The following SNX27 variants were observed in gnomAD, a reference collection of about 807,000 sequenced individuals.
The protein encoded by SNX27 is sorting nexin 27, also known as sorting nexin-27.
A neutral mutation model predicts 71.6 loss-of-function variants in SNX27; 22 were observed. That is an observed-to-expected ratio of 0.31 (90% CI 0.22 to 0.44). The LOEUF (loss-of-function observed/expected upper bound fraction) is 0.44. Among genes scored for constraint, SNX27 ranks in the 20% least tolerant of loss-of-function variants. SNX27 has a pLI of 1.00. For synonymous variants in SNX27, 269 were observed against 277.2 expected, an observed-to-expected ratio of 0.97 and a Z score of 0.29; for missense variants, 531 against 698.6, an observed-to-expected ratio of 0.76 and a Z score of 2.70.
intron 7 of SNX27, among the ~76,000 whole-genome samples, chr1:151,669,514 G>A (rs1450019871): frequency 6.6e-6 from 1 of 152,160 alleles, no homozygotes; most frequent in African/African-American, 2.4e-5. Context: ...CCATCAGGTA[G>A]TTCATGATTT....
intron 6 of SNX27, 64 bp downstream of exon 6, chr1:151,666,075 A>T (rs1670177309): frequency 7.5e-7 from 1 of 1,329,062 alleles, no homozygotes; most frequent in Admixed American, 1.8e-5. Flanking sequence ...ACATTTACCT[A>T]GAGAAGAGCT....
chr1:151,642,954 G>GTTTTATTTTA (rs532547285), intron 2 of SNX27, among the ~76,000 whole-genome samples: 1 of 149,374 alleles, frequency 6.7e-6, no homozygotes, highest in Non-Finnish European at 1.5e-5. Context: ...TTTTATTTTT[G>GTTTTATTTTA]TTTTATTTTA....
intron 2 of SNX27, among the ~76,000 whole-genome samples, chr1:151,655,970 T>TC (rs774761239): frequency 6.6e-6 from 1 of 152,098 alleles, no homozygotes; most frequent in Non-Finnish European, 1.5e-5. Context: ...ACACCTGTAA[T>TC]CCCAGCACTT....
Position 151,695,249 on chromosome 1 carries a change from T to G in SNX27, c.*832T>G, listed in dbSNP as rs915638152. 1.6e-4 allele frequency: 25 copies of G among 152,250 alleles called. No homozygotes were observed. The highest frequency in any genetic ancestry group is 6.0e-4 in the African/African-American group (25 of 41,396). The allele number at this position is 152,250 out of a possible 1,614,324, so 9.4% of individuals were successfully genotyped here. On this transcript the variant is annotated 3_prime_UTR_variant, in exon 12 of 12. Coordinates refer to ENST00000458013, the MANE Select transcript of SNX27 (RefSeq NM_001330723.2). ...TCTGTGACAATTTTTTTGATCCATC[T>G]ATTTCTCTCACTCCTGGCTTTCTAG...
Position 151,677,362 on chromosome 1 carries a change from A to G in SNX27, c.1150-5994A>G, listed in dbSNP as rs538891908. ...TTAAATTAATCACCAAGGATTTTAT[A>G]TTTTTATTGCTATTATGAATGGAAT... On this transcript the variant is annotated intron_variant, in intron 7 of 11. Coordinates refer to ENST00000458013, the MANE Select transcript of SNX27 (RefSeq NM_001330723.2). 3 of 152,242 alleles carry G rather than the reference A, an allele frequency of 2.0e-5. No individual in the cohort carries two copies. The East Asian group carries it at 5.8e-4, about 29-fold the overall frequency. The allele number at this position is 152,242 out of a possible 1,614,324, so 9.4% of individuals were successfully genotyped here.
intron 1 of SNX27, among the ~76,000 whole-genome samples, chr1:151,626,147 A>G (rs902409276): frequency 1.3e-5 from 2 of 151,696 alleles, no homozygotes; most frequent in Admixed American, 1.3e-4. Flanking sequence ...AAAAAATAAA[A>G]TTAAAAAAGA....
intron 10 of SNX27, 158 bp from the exon 11 acceptor site, chr1:151,693,266 A>C: frequency 1.1e-6 from 1 of 905,836 alleles, no homozygotes; most frequent in Non-Finnish European, 1.7e-6. Context: ...GGAGCTAGAG[A>C]ATAGTGGATG....
chr1:151,677,223 A>C (rs550214796), intron 7 of SNX27: 1 of 152,160 alleles, frequency 6.6e-6, no homozygotes, highest in Non-Finnish European at 1.5e-5. Flanking sequence ...AAGAATCACC[A>C]TTTTAATTAA....
intron 5 of SNX27, among the ~76,000 whole-genome samples, chr1:151,663,151 GA>G (rs1670036367): frequency 2.0e-5 from 3 of 150,298 alleles, no homozygotes; most frequent in Admixed American, 6.6e-5. Flanking sequence ...GATCACATTT[GA>G]TTTTTTTTTT....
intron 2 of SNX27, among the ~76,000 whole-genome samples, chr1:151,657,291 A>G: frequency 6.6e-6 from 1 of 152,028 alleles, no homozygotes; most frequent in East Asian, 1.9e-4. Context: ...CTCCCACCTT[A>G]GCCTCCTGGG....
At position 151,692,849 on chromosome 1, in the gene SNX27, C is replaced by T. The variant is rs12077740; in HGVS notation, c.1390-62C>T. 7,565 of 1,607,744 alleles carry T rather than the reference C, an allele frequency of 4.7e-3. 272 individuals carry two copies. In the African/African-American group the frequency reaches 0.083, roughly 18 times the overall value. ...CTGTCTCCTGGTTCAGAACCCCCTACCTCAGTTCCCCAGCACTCTGAAACA... is the reference window on the plus strand; with the variant it reads ...CTGTCTCCTGGTTCAGAACCCCCTATCTCAGTTCCCCAGCACTCTGAAACA... On this transcript the variant is annotated intron_variant, in intron 9 of 11. Coordinates refer to ENST00000458013, the MANE Select transcript of SNX27 (RefSeq NM_001330723.2).
At chr1:151,682,511 C>T (rs1362778261) in intron 7 of SNX27, among the ~76,000 whole-genome samples, 2 of 151,882 alleles carry the variant, frequency 1.3e-5, no homozygotes, top group Admixed American at 6.6e-5. Flanking sequence ...TTAGTAGAGA[C>T]GGGGTTTCAT....
chr1:151,622,493 TG>T (rs1667720740), intron 1 of SNX27, among the ~76,000 whole-genome samples: 5 of 152,214 alleles, frequency 3.3e-5, no homozygotes. Context: ...TTTTTTCCTT[TG>T]ATGATTTACT....
At chr1:151,650,536 G>A (rs892300355) in intron 2 of SNX27, among the ~76,000 whole-genome samples, 7 of 151,828 alleles carry the variant, frequency 4.6e-5, no homozygotes, top group Admixed American at 3.3e-4. Flanking sequence ...GTTTTACACT[G>A]TTTGATATTG....
In SNX27 at chr1:151,696,139, G is replaced by A. The variant is rs1038504509; in HGVS notation, c.*1722G>A. 3 of 152,214 alleles carry A rather than the reference G, an allele frequency of 2.0e-5. No homozygotes were observed. The highest frequency in any genetic ancestry group is 2.9e-5 in the Non-Finnish European group (2 of 68,046). The allele number at this position is 152,214 out of a possible 1,614,324, so 9.4% of individuals were successfully genotyped here. ...AAAGAGCTCCTCATCTGATCTTGCA[G>A]CTAGACCCTTTGAGACTTAAGAGCT... On this transcript the variant is annotated 3_prime_UTR_variant, in exon 12 of 12. Coordinates refer to ENST00000458013, the MANE Select transcript of SNX27 (RefSeq NM_001330723.2).
Position 151,660,882 on chromosome 1 carries a change from A to G in SNX27, c.801+20A>G. 1.3e-6 allele frequency: 2 copies of G among 1,585,616 alleles called. No homozygotes were observed. Among genetic ancestry groups the G allele is most frequent in the African/African-American group, 2.7e-5 (2 of 74,524 alleles). ...GATGAGGTAGGTGAATATCTCTTTT[A>G]GTGATTATTTTCCTTTTGGCTCCTT... On this transcript the variant is annotated intron_variant, in intron 4 of 11. Coordinates refer to ENST00000458013, the MANE Select transcript of SNX27 (RefSeq NM_001330723.2).
chr1:151,693,755 CCCT>C (rs1329365216), intron 11 of SNX27: 9 of 1,520,534 alleles, frequency 5.9e-6, no homozygotes, highest in Middle Eastern at 2.4e-4. Flanking sequence ...ACTTCATGGA[CCCT>C]CCTCTGCCAG....
At chr1:151,676,657 A>G (rs1183468881) in intron 7 of SNX27, 6 of 152,090 alleles carry the variant, frequency 3.9e-5, no homozygotes, top group East Asian at 1.9e-4. Context: ...ATGTTTATCT[A>G]TCTTTTCCAT....
At chr1:151,621,048 G>C (rs540572997) in intron 1 of SNX27, among the ~76,000 whole-genome samples, 1 of 152,168 alleles carries the variant, frequency 6.6e-6, no homozygotes, top group Non-Finnish European at 1.5e-5. Flanking sequence ...TGGGAGCTGA[G>C]TGGACTGAAG....
Sources: gnomAD v4.1 joint callset for allele counts (sites outside exome capture counted in the v4.1 genomes callset) on GRCh38, gnomAD v4.1.1 for gene constraint, MANE v1.5 for transcripts, NCBI Gene and HGNC (gene_info 2026-07-23, HGNC 2026-07-21) for gene names.